The following SPECC1L variants were observed in gnomAD, a reference collection of about 807,000 sequenced individuals.
SPECC1L encodes sperm antigen with calponin homology and coiled-coil domains 1 like.
SPECC1L carries 40 observed loss-of-function variants against 116.8 expected under a neutral mutation model. The ratio of observed to expected loss-of-function variants is 0.34; its 90% CI spans 0.27 to 0.45. SPECC1L has a LOEUF of 0.45. Among genes scored for constraint, SPECC1L ranks in the 20% least tolerant of loss-of-function variants. The probability of loss-of-function intolerance (pLI) is 1.00; values close to 1 mark genes in which losing one functional copy is unlikely to be tolerated. For missense variants in SPECC1L, 1,110 were observed against 1,373.6 expected, an observed-to-expected ratio of 0.81 and a Z score of 3.03; for synonymous variants, 504 against 500.6, an observed-to-expected ratio of 1.01 and a Z score of -0.09.
intron 14 of SPECC1L, among the ~76,000 whole-genome samples, chr22:24,408,018 G>A (rs1298867895): frequency 6.6e-6 from 1 of 152,218 alleles, no homozygotes; most frequent in Non-Finnish European, 1.5e-5. Flanking sequence ...CTGGGTGAGT[G>A]TCTTGGCCTC....
chr22:24,372,276 G>A (rs1442790933), intron 14 of SPECC1L, among the ~76,000 whole-genome samples: 3 of 152,128 alleles, frequency 2.0e-5, no homozygotes, highest in South Asian at 2.1e-4. Context: ...TCCCTAACTC[G>A]TTTTATGAGG....
chr22:24,277,734 ACTTTATTTGTCCATCAGTTGTTCATG>A (rs1317788299), intron 2 of SPECC1L, among the ~76,000 whole-genome samples: 2 of 152,224 alleles, frequency 1.3e-5, no homozygotes, highest in Non-Finnish European at 2.9e-5. Context: ...TGAATGATAT[ACTTTATTTGTCCATCAGTTGTTCATG>A]CTTTATTTGT....
At position 24,322,608 on chromosome 22, in the gene SPECC1L, A is replaced by G. The variant is rs2040743352; in HGVS notation, c.1628A>G (p.His543Arg). ...GGGGCACTCAAAGAACGCAGTCACC[A>G]TATGGAGCGAATTATTGAGTCTGAG... The part of the protein sequence containing the change: ...MIGALKERSH[H>R]MERIIESEQK... Residue 543 changes from histidine to arginine, a missense_variant, in exon 5 of 17, where the codon CAT becomes CGT. By Grantham distance (29) the His-to-Arg change is conservative. Coordinates refer to ENST00000314328, the MANE Select transcript of SPECC1L (RefSeq NM_015330.6). 12 of 1,614,114 alleles carry G rather than the reference A, an allele frequency of 7.4e-6. No homozygotes were observed. The highest frequency in any genetic ancestry group is 9.3e-6 in the Non-Finnish European group (11 of 1,180,036).
chr22:24,325,446 A>G (rs754229976), intron 6 of SPECC1L, among the ~76,000 whole-genome samples: 5 of 152,236 alleles, frequency 3.3e-5, no homozygotes, highest in African/African-American at 4.8e-5. Context: ...TAGAGATTGT[A>G]AAGTTTAAAT....
Position 24,302,337 on chromosome 22 carries a change from A to G in SPECC1L, c.106A>G (p.Thr36Ala), listed in dbSNP as rs755473465. Residue 36 changes from threonine to alanine, a missense_variant, in exon 3 of 17, where the codon ACG becomes GCG. Transcript: ENST00000314328. The part of the protein sequence containing the change: ...IKPENSSSAS[T>A]GGKLVKPGTA... ...ACCTGAAAACAGCTCTTCAGCATCT[A>G]CGGGAGGCAAACTTGTAAAACCTGG... 4 of 1,614,182 alleles carry G rather than the reference A, an allele frequency of 2.5e-6. No individual in the cohort carries two copies. The Admixed American group carries it at 6.7e-5, about 27-fold the overall frequency.
At chr22:24,299,184 G>A (rs982738138) in intron 2 of SPECC1L, among the ~76,000 whole-genome samples, 1 of 152,068 alleles carries the variant, frequency 6.6e-6, no homozygotes, top group Non-Finnish European at 1.5e-5. Context: ...TTATATTATA[G>A]TTGCTGTGTT....
intron 3 of SPECC1L, among the ~76,000 whole-genome samples, chr22:24,306,816 TTC>T (rs1311961806): frequency 6.6e-6 from 1 of 152,202 alleles, no homozygotes; most frequent in Non-Finnish European, 1.5e-5. Flanking sequence ...ACATTCCCTC[TTC>T]TCTCCAGCGC....
At chr22:24,287,509 C>T (rs1215953261) in intron 2 of SPECC1L, among the ~76,000 whole-genome samples, 2 of 152,114 alleles carry the variant, frequency 1.3e-5, no homozygotes, top group African/African-American at 2.4e-5. Context: ...GGGAATGCCG[C>T]GAGGTCAGGA....
intron 7 of SPECC1L, among the ~76,000 whole-genome samples, chr22:24,329,529 G>A (rs1388392688): frequency 6.6e-6 from 1 of 152,192 alleles, no homozygotes; most frequent in African/African-American, 2.4e-5. Flanking sequence ...CTACTCAGTC[G>A]TTTGGGTCAT....
chr22:24,338,598 C>G (rs899880497), intron 10 of SPECC1L, 121 bp downstream of exon 10: 1 of 786,116 alleles, frequency 1.3e-6, no homozygotes, highest in African/African-American at 1.8e-5. Flanking sequence ...AGGGATGTAT[C>G]TAGAATTTGT....
In SPECC1L at chr22:24,391,167, G is replaced by A. The variant is rs1410092377; in HGVS notation, c.3088-20421G>A. ...TGGGATTACGGGTGTGAGCCACTGC[G>A]CCCGGCCGGGCCTGTGTTCTTTACT... On this transcript the variant is annotated intron_variant, in intron 14 of 16. Coordinates refer to ENST00000314328, the MANE Select transcript of SPECC1L (RefSeq NM_015330.6). Among the ~76,000 whole-genome samples, 4 of 151,822 alleles carry A rather than the reference G, an allele frequency of 2.6e-5. No individual in the cohort carries two copies. The South Asian group carries it at 6.2e-4, about 24-fold the overall frequency.
Position 24,411,611 on chromosome 22 carries a change from C to T in SPECC1L, c.3111C>T (p.Ser1037=), listed in dbSNP as rs1246176641. Reference sequence around the variant, plus strand: ...AGAATATTGACATTACAAACTTCAGCAGCAGCTGGAATGATGGGCTGGCCT... The same window carrying T: ...AGAATATTGACATTACAAACTTCAGTAGCAGCTGGAATGATGGGCTGGCCT... The part of the protein sequence containing the change: ...GYQNIDITNF[S]SSWNDGLAFC... The change falls in exon 15 of 17, where the codon AGC becomes AGT. Residue 1037 remains serine, a synonymous_variant. Transcript: ENST00000314328. 4 of 1,614,140 alleles carry T rather than the reference C, an allele frequency of 2.5e-6. No individual in the cohort carries two copies.
At chr22:24,354,746 G>A (rs1034926817) in intron 11 of SPECC1L, among the ~76,000 whole-genome samples, 1 of 147,838 alleles carries the variant, frequency 6.8e-6, no homozygotes, top group African/African-American at 2.5e-5. Context: ...GCTGCAACCT[G>A]CGCCCCCTGG....
rs770880820 is a variant in SPECC1L, at chr22:24,369,279, G to A, written c.3046G>A (p.Ala1016Thr). ...AGAATATGGAGGATCAAAGAGGAAC[G>A]CCTTGCTGAAGTGGTGTCAGAAGAA... ...AREYGGSKRN[A>T]LLKWCQKKTE... The change falls in exon 14 of 17, where the codon GCC (alanine) becomes ACC (threonine). Residue 1016 changes from alanine (A) to threonine (T), a missense_variant. Transcript: ENST00000314328. 2.5e-6 allele frequency: 4 copies of A among 1,614,002 alleles called. No homozygotes were observed. Among genetic ancestry groups the A allele is most frequent in the South Asian group, 2.2e-5 (2 of 91,094 alleles).
chr22:24,373,201 C>T (rs1179160852), intron 14 of SPECC1L, among the ~76,000 whole-genome samples: 3 of 152,110 alleles, frequency 2.0e-5, no homozygotes, highest in Non-Finnish European at 4.4e-5. Context: ...CCATACTGCC[C>T]AAGGTAATTT....
chr22:24,406,585 C>T (rs1485834367), intron 14 of SPECC1L, among the ~76,000 whole-genome samples: 2 of 152,102 alleles, frequency 1.3e-5, no homozygotes, highest in African/African-American at 4.8e-5. Flanking sequence ...ATGGTGGCGG[C>T]TGGCAGGTAG....
intron 2 of SPECC1L, among the ~76,000 whole-genome samples, chr22:24,277,999 T>C: frequency 6.6e-6 from 1 of 152,212 alleles, no homozygotes; most frequent in Non-Finnish European, 1.5e-5. Flanking sequence ...AAATTCTGTG[T>C]ATGAGGATTC....
chr22:24,311,905 C>T (rs368405030), intron 3 of SPECC1L, among the ~76,000 whole-genome samples: 3 of 150,854 alleles, frequency 2.0e-5, no homozygotes, highest in African/African-American at 7.3e-5. Flanking sequence ...ATGTAACAGC[C>T]CTTAATTACT....
chr22:24,362,819 G>A (rs1878722753), intron 11 of SPECC1L, among the ~76,000 whole-genome samples: 1 of 152,058 alleles, frequency 6.6e-6, no homozygotes, highest in Non-Finnish European at 1.5e-5. Context: ...TAATACTTTT[G>A]TCATTCTGTT....
Sources: gnomAD v4.1 joint callset for allele counts (sites outside exome capture counted in the v4.1 genomes callset) on GRCh38, gnomAD v4.1.1 for gene constraint, MANE v1.5 for transcripts, NCBI Gene and HGNC (gene_info 2026-07-23, HGNC 2026-07-21) for gene names.